Variants in PRSS55 observed in about 807,000 individuals in gnomAD.
PRSS55 encodes the protein serine protease 55.
PRSS55 carries 41 observed loss-of-function variants against 23.6 expected under a neutral mutation model. That is an observed-to-expected ratio of 1.74 (90% CI 1.35 to 2.26). The LOEUF (loss-of-function observed/expected upper bound fraction) is 2.26, where lower values mean the gene tolerates loss of function less well. Among genes scored for constraint, PRSS55 ranks in the 30% most tolerant of loss-of-function variants. The pLI, the probability that PRSS55 is intolerant of heterozygous loss-of-function variation, is 0.00. For synonymous variants in PRSS55, 262 were observed against 175.5 expected (o/e 1.49, Z -3.90); for missense variants, 669 against 439.1 (o/e 1.52, Z -4.68).
In PRSS55 at chr8:10,538,467, T is replaced by C; in HGVS notation, c.742-9T>C. The C allele has an allele frequency of 6.3e-7, 1 of 1,599,846 alleles. No individual in the cohort carries two copies. The highest frequency in any genetic ancestry group is 8.5e-7 in the Non-Finnish European group (1 of 1,169,610). ...GGACTCCCTGCTGAGCTGTGTTCTCTGCCCACAGGGTGACAGTGGGGGGCC... is the reference window on the plus strand; with the variant it reads ...GGACTCCCTGCTGAGCTGTGTTCTCCGCCCACAGGGTGACAGTGGGGGGCC... On this transcript the variant is annotated splice_polypyrimidine_tract_variant and intron_variant, in intron 4 of 4. Coordinates refer to ENST00000328655, the MANE Select transcript of PRSS55 (RefSeq NM_198464.4).
chr8:10,551,514 T>G (rs1812950334), intron 4 of PRSS55, among the ~76,000 whole-genome samples: 1 of 152,172 alleles, frequency 6.6e-6, no homozygotes, highest in Admixed American at 6.5e-5. Context: ...AGGCATGAAC[T>G]GAGGACACAA....
Position 10,531,375 on chromosome 8 carries a change from T to C in PRSS55, c.428T>C (p.Ile143Thr). ...GAAATAAAGGAGGTCGCCAGCATCATTCTTCACAAAGACTTTAAGAGAGCC... is the reference window on the plus strand; with the variant it reads ...GAAATAAAGGAGGTCGCCAGCATCACTCTTCACAAAGACTTTAAGAGAGCC... ...SMEIKEVASI[I>T]LHKDFKRANM... is the part of the protein sequence containing the mutation. Residue 143 changes from isoleucine (I) to threonine (T), a missense_variant, in exon 3 of 5, where the codon ATT becomes ACT. Ile to Thr is a moderately conservative substitution (Grantham distance 89). Transcript: ENST00000328655. 6.2e-7 allele frequency: 1 copy of C among 1,614,248 alleles called. No individual in the cohort carries two copies.
At chr8:10,535,017 G>A (rs1054497365) in intron 4 of PRSS55, among the ~76,000 whole-genome samples, 1 of 152,100 alleles carries the variant, frequency 6.6e-6, no homozygotes, top group Non-Finnish European at 1.5e-5. Context: ...TCAGGGAGGT[G>A]AAAGATCTCT....
At chr8:10,533,834 G>C (rs1445186028) in intron 4 of PRSS55, among the ~76,000 whole-genome samples, 1 of 152,178 alleles carries the variant, frequency 6.6e-6, no homozygotes, top group Admixed American at 6.5e-5. Context: ...CAGTGATGGA[G>C]AGGCTGCCCC....
chr8:10,525,581 G>T lies in PRSS55; in HGVS notation c.-5G>T, dbSNP rs1283151294. On this transcript the variant is annotated 5_prime_UTR_variant, in exon 1 of 5. The change creates a new upstream start codon in the 5' untranslated region. Coordinates refer to ENST00000328655, the MANE Select transcript of PRSS55 (RefSeq NM_198464.4). ...ACCCCCGGGCCCACAGCACAGCCCAGGGCCATGCTCCTGTTCTCAGTGTTG... is the reference window on the plus strand; with the variant it reads ...ACCCCCGGGCCCACAGCACAGCCCATGGCCATGCTCCTGTTCTCAGTGTTG... 1.2e-6 allele frequency: 2 copies of T among 1,613,670 alleles called. No homozygotes were observed. Among genetic ancestry groups the T allele is most frequent in the Admixed American group, 1.7e-5 (1 of 59,992 alleles).
chr8:10,538,158 C>A (rs949531782), intron 4 of PRSS55, among the ~76,000 whole-genome samples: 1 of 152,152 alleles, frequency 6.6e-6, no homozygotes, highest in Admixed American at 6.5e-5. Flanking sequence ...ATAAGACCCT[C>A]AAAACAAGTC....
At position 10,525,734 on chromosome 8, in the gene PRSS55, T is replaced by A; in HGVS notation, c.149T>A (p.Val50Asp). ...RPQPPHPPSP[V>D]SECGDRSIFE... The stretch of plus-strand genomic sequence containing the variant: ...CAGCCCCCTCATCCCCCCAGCCCAG[T>A]CAGTGGTGAGTACAGGGGCAGAAGG... The change falls in exon 1 of 5, where the codon GTC becomes GAC. Residue 50 changes from valine to aspartate, a missense_variant. Transcript: ENST00000328655. 6.2e-7 allele frequency: 1 copy of A among 1,605,076 alleles called. No homozygotes were observed. The highest frequency in any genetic ancestry group is 8.5e-7 in the Non-Finnish European group (1 of 1,175,878).
At chr8:10,539,009 G>C (rs190363120), downstream of PRSS55, among the ~76,000 whole-genome samples, 139 of 150,960 alleles carry the variant, frequency 9.2e-4, no homozygotes, top group Middle Eastern at 3.4e-3. Flanking sequence ...ACCTAATTCT[G>C]ACTGAATTCA....
Position 10,538,508 on chromosome 8 carries a change from A to G in PRSS55, c.774A>G (p.Pro258=), listed in dbSNP as rs200532088. Residue 258 remains proline, a synonymous_variant, in exon 5 of 5, where the codon CCA becomes CCG. Coordinates refer to ENST00000328655, the MANE Select transcript of PRSS55 (RefSeq NM_198464.4). ...GDSGGPLVCT[P]EPGEKWYQVG... ...GTGGGGGGCCTCTGGTCTGCACCCC[A>G]GAGCCTGGTGAGAAGTGGTACCAGG... 21 of 1,614,002 alleles carry G rather than the reference A, an allele frequency of 1.3e-5. No individual in the cohort carries two copies. The African/African-American group carries it at 2.5e-4, about 19-fold the overall frequency.
At chr8:10,549,008 G>T (rs11777184) in intron 4 of PRSS55, among the ~76,000 whole-genome samples, 3 of 152,096 alleles carry the variant, frequency 2.0e-5, no homozygotes, top group African/African-American at 4.8e-5. Context: ...TCGTCTGTGG[G>T]TGCTGCTGTA....
chr8:10,533,073 C>T, intron 4 of PRSS55, 25 bp downstream of exon 4: 1 of 1,612,802 alleles, frequency 6.2e-7, no homozygotes. Context: ...CCCTCCCTCA[C>T]CTTATAGGTC....
At chr8:10,529,309 T>C (rs1812156470) in intron 1 of PRSS55, 198 bp from the exon 2 acceptor site, 2 of 626,974 alleles carry the variant, frequency 3.2e-6, no homozygotes, top group Admixed American at 5.0e-5. Context: ...GTTGCTGAGC[T>C]CTGTGTAGAC....
intron 4 of PRSS55, among the ~76,000 whole-genome samples, chr8:10,545,711 G>A (rs1029103775): frequency 1.6e-4 from 25 of 152,162 alleles, no homozygotes; most frequent in African/African-American, 5.8e-4. Context: ...GTAAATCATC[G>A]TTTGAATTGA....
chr8:10,550,867 T>C (rs936342002), intron 4 of PRSS55, among the ~76,000 whole-genome samples: 4 of 152,114 alleles, frequency 2.6e-5, no homozygotes, highest in African/African-American at 9.7e-5. Context: ...TCTGTAGGAG[T>C]GCATGGAAAG....
downstream of PRSS55, among the ~76,000 whole-genome samples, chr8:10,538,999 A>G (rs1275181006): frequency 6.6e-6 from 1 of 151,740 alleles, no homozygotes; most frequent in Non-Finnish European, 1.5e-5. Flanking sequence ...GGTGACAGTC[A>G]CCTAATTCTG....
At chr8:10,528,277 T>C (rs1377477381) in intron 1 of PRSS55, among the ~76,000 whole-genome samples, 1 of 151,672 alleles carries the variant, frequency 6.6e-6, no homozygotes, top group Non-Finnish European at 1.5e-5. Context: ...TGCACATTGC[T>C]AAGTTCTCAC....
exon 5 of PRSS55, chr8:10,554,104 GA>G (rs1185788577): frequency 2.1e-6 from 2 of 966,566 alleles, no homozygotes; most frequent in Admixed American, 2.9e-5. Context: ...GCCTTGAGTT[GA>G]AAATCTTTGA....
intron 2 of PRSS55, 149 bp from the exon 3 acceptor site, chr8:10,531,146 C>A: frequency 1.0e-6 from 1 of 980,112 alleles, no homozygotes; most frequent in South Asian, 1.6e-5. Context: ...TACCTTTTTC[C>A]AATCCTCACA....
chr8:10,533,158 G>C lies in PRSS55; in HGVS notation c.741+110G>C, dbSNP rs112159065. 1.5e-5 allele frequency: 19 copies of C among 1,229,754 alleles called. No homozygotes were observed. In the African/African-American group the frequency reaches 2.3e-4, roughly 15 times the overall value. The allele number at this position is 1,229,754 out of a possible 1,614,324, so 76.2% of individuals were successfully genotyped here. A position where few individuals can be genotyped will look rare whatever the true frequency, so the allele number is the denominator to read the frequency against. On this transcript the variant is annotated intron_variant, in intron 4 of 4. Coordinates refer to ENST00000328655, the MANE Select transcript of PRSS55 (RefSeq NM_198464.4). ...ATAGACAATTCTGAGTCTGGAAAAT[G>C]TATGGGAATTAGGGCCTGCAGCCAT...
Sources: allele counts gnomAD v4.1 joint callset (sites outside exome capture counted in the v4.1 genomes callset), GRCh38; gene constraint gnomAD v4.1.1; transcripts MANE v1.5; gene names NCBI Gene and HGNC (gene_info 2026-07-23, HGNC 2026-07-21).